The following HCRTR2 variants were observed in gnomAD, a reference collection of about 807,000 sequenced individuals.
HCRTR2 encodes hypocretin receptor 2, also known as orexin receptor type 2.
A neutral mutation model predicts 49.0 loss-of-function variants in HCRTR2; 22 were observed. The observed-to-expected ratio is 0.45, with a 90% CI of 0.32 to 0.64. The LOEUF is 0.64. HCRTR2 is among the 30% of genes least tolerant of loss of function. The pLI, the probability that HCRTR2 is intolerant of heterozygous loss-of-function variation, is 0.04. For synonymous variants in HCRTR2, 236 were observed against 205.3 expected, an observed-to-expected ratio of 1.15 and a Z score of -1.28; for missense variants, 491 against 559.4, an observed-to-expected ratio of 0.88 and a Z score of 1.23.
intron 1 of HCRTR2, among the ~76,000 whole-genome samples, chr6:55,131,692 A>T (rs780058529): frequency 6.6e-6 from 1 of 151,876 alleles, no homozygotes. Flanking sequence ...AAGACAATTA[A>T]AATGTTTTAG....
At chr6:55,249,657 C>T (rs1390919267) in intron 2 of HCRTR2, among the ~76,000 whole-genome samples, 2 of 152,040 alleles carry the variant, frequency 1.3e-5, no homozygotes, top group African/African-American at 4.8e-5. Context: ...GTGAAAACAG[C>T]TTCTTTTTCT....
intron 4 of HCRTR2, among the ~76,000 whole-genome samples, chr6:55,272,634 CA>C (rs1299501754): frequency 6.7e-6 from 1 of 148,896 alleles, no homozygotes; most frequent in Admixed American, 6.7e-5. Context: ...GCTGAAACCA[CA>C]GGGAAGCAAA....
In HCRTR2 at chr6:55,130,591, G is replaced by A. The variant is rs183887009; in HGVS notation, c.-378+24046G>A. ...GATACTTTGAAAGTTAAAATCTGAT[G>A]GTATCAATCCTCTACTTACAATATT... On this transcript the variant is annotated intron_variant, in intron 1 of 7. Coordinates refer to the HCRTR2 transcript ENST00000615358. Among the ~76,000 whole-genome samples, 96 of 151,706 alleles carry A rather than the reference G, an allele frequency of 6.3e-4. 1 individual carries two copies. Among genetic ancestry groups the A allele is most frequent in the African/African-American group, 1.2e-3 (51 of 41,448 alleles).
intron 1 of HCRTR2, among the ~76,000 whole-genome samples, chr6:55,155,458 G>T (rs945997185): frequency 1.3e-5 from 2 of 151,944 alleles, no homozygotes; most frequent in Non-Finnish European, 2.9e-5. Context: ...AGCCAACGGA[G>T]TCTAAATCAA....
At chr6:55,132,752 T>TC (rs1491170264) in intron 1 of HCRTR2, among the ~76,000 whole-genome samples, 8 of 4,752 alleles carry the variant, frequency 1.7e-3, no homozygotes, top group South Asian at 0.021. Flanking sequence ...TCTCTCTCTC[T>TC]TTTTTTTTTT....
At chr6:55,114,653 A>T (rs1764092618) in intron 1 of HCRTR2, among the ~76,000 whole-genome samples, 1 of 151,874 alleles carries the variant, frequency 6.6e-6, no homozygotes, top group Non-Finnish European at 1.5e-5. Context: ...TGTCTATACA[A>T]TAGTTGCTTA....
chr6:55,122,938 AG>A (rs1422323178), intron 1 of HCRTR2, among the ~76,000 whole-genome samples: 1 of 128,886 alleles, frequency 7.8e-6, no homozygotes, highest in African/African-American at 2.9e-5. Flanking sequence ...GGACACAAGA[AG>A]GGGAACATCA....
chr6:55,110,394 T>C (rs1250997496), intron 1 of HCRTR2, among the ~76,000 whole-genome samples: 1 of 152,034 alleles, frequency 6.6e-6, no homozygotes, highest in African/African-American at 2.4e-5. Context: ...ACACTGAGTG[T>C]AAATGGCCTA....
chr6:55,254,143 T>G (rs1310548001), intron 2 of HCRTR2, among the ~76,000 whole-genome samples: 1 of 152,100 alleles, frequency 6.6e-6, no homozygotes, highest in Non-Finnish European at 1.5e-5. Flanking sequence ...CCACAGAGCT[T>G]TGTTCCAATA....
chr6:55,115,950 G>A (rs973778367), intron 1 of HCRTR2, among the ~76,000 whole-genome samples: 2 of 151,806 alleles, frequency 1.3e-5, no homozygotes, highest in South Asian at 2.1e-4. Flanking sequence ...ATCTATGCAT[G>A]CATATGTTTC....
intron 1 of HCRTR2, among the ~76,000 whole-genome samples, chr6:55,247,924 C>G (rs540519358): frequency 6.6e-6 from 1 of 152,108 alleles, no homozygotes; most frequent in African/African-American, 2.4e-5. Flanking sequence ...AGAAGGCAAC[C>G]CATGTGGTGA....
At chr6:55,134,191 G>C (rs1053772113) in intron 1 of HCRTR2, among the ~76,000 whole-genome samples, 2 of 150,590 alleles carry the variant, frequency 1.3e-5, no homozygotes, top group African/African-American at 4.9e-5. Flanking sequence ...CTTTTAAGTT[G>C]AGGAGACTGA....
intron 1 of HCRTR2, among the ~76,000 whole-genome samples, chr6:55,123,147 A>G (rs1764225513): frequency 6.6e-6 from 1 of 151,736 alleles, no homozygotes; most frequent in South Asian, 2.1e-4. Flanking sequence ...TAATAATAAA[A>G]AATAAAAATT....
intron 1 of HCRTR2, among the ~76,000 whole-genome samples, chr6:55,201,060 C>T (rs1765505108): frequency 1.3e-5 from 2 of 151,976 alleles, no homozygotes; most frequent in Admixed American, 6.6e-5. Flanking sequence ...AAGAGTTAAG[C>T]TGATGAGAGT....
At chr6:55,276,672 A>G (rs978430880) in intron 4 of HCRTR2, among the ~76,000 whole-genome samples, 26 of 152,214 alleles carry the variant, frequency 1.7e-4, no homozygotes, top group African/African-American at 6.3e-4. Context: ...GAAATGGAAA[A>G]GTACAAGTTG....
chr6:55,192,235 A>G (rs1581819513), intron 1 of HCRTR2, among the ~76,000 whole-genome samples: 1 of 152,158 alleles, frequency 6.6e-6, no homozygotes, highest in East Asian at 1.9e-4. Context: ...AAAAAAAATT[A>G]GGATCTGCCT....
chr6:55,190,361 T>C (rs1441547023), intron 1 of HCRTR2, among the ~76,000 whole-genome samples: 1 of 152,090 alleles, frequency 6.6e-6, no homozygotes, highest in Admixed American at 6.5e-5. Flanking sequence ...GCCAGGTAGG[T>C]TGATGGAGGT....
chr6:55,230,748 T>C (rs1766098839), intron 1 of HCRTR2, among the ~76,000 whole-genome samples: 1 of 152,186 alleles, frequency 6.6e-6, no homozygotes. Flanking sequence ...TCCATAAATA[T>C]ATGCTGAACG....
chr6:55,196,485 A>G (rs1052596993), intron 1 of HCRTR2, among the ~76,000 whole-genome samples: 3 of 152,204 alleles, frequency 2.0e-5, no homozygotes, highest in Non-Finnish European at 4.4e-5. Flanking sequence ...ATTAAAAACA[A>G]ATCATCTATG....
Sources: allele counts gnomAD v4.1 joint callset (sites outside exome capture counted in the v4.1 genomes callset), GRCh38; gene constraint gnomAD v4.1.1; transcripts MANE v1.5; gene names NCBI Gene and HGNC (gene_info 2026-07-23, HGNC 2026-07-21).